PPARGC1A: variants seen among roughly 807,000 people sequenced by gnomAD.
The protein encoded by PPARGC1A is PPARG coactivator 1 alpha, also known as peroxisome proliferator-activated receptor gamma coactivator 1-alpha.
In PPARGC1A, 25 loss-of-function variants were observed where a neutral mutation model predicts 88.7. The observed-to-expected ratio is 0.28, with a 90% CI of 0.21 to 0.39. The LOEUF (loss-of-function observed/expected upper bound fraction) is 0.39, where lower values mean the gene tolerates loss of function less well. Among genes scored for constraint, PPARGC1A ranks in the 10% least tolerant of loss-of-function variants. The pLI, the probability that PPARGC1A is intolerant of heterozygous loss-of-function variation, is 1.00. For synonymous variants in PPARGC1A, 363 were observed against 355.6 expected (o/e 1.02, Z -0.24); for missense variants, 880 against 968.7 (o/e 0.91, Z 1.22).
At chr4:23,968,348 T>C in the PPARGC1A span, among the ~76,000 whole-genome samples, 4 of 152,186 alleles carry the variant, frequency 2.6e-5, no homozygotes, top group Non-Finnish European at 4.4e-5. Context: ...TTCATGCTCA[T>C]GAAACTGGTC....
At chr4:24,339,801 C>T in the PPARGC1A span, among the ~76,000 whole-genome samples, 6 of 152,118 alleles carry the variant, frequency 3.9e-5, no homozygotes, top group African/African-American at 9.7e-5. Context: ...TGCAGTGGTG[C>T]GATCTCGGCT....
the PPARGC1A span, among the ~76,000 whole-genome samples, chr4:24,069,691 A>G: frequency 2.0e-5 from 3 of 152,226 alleles, no homozygotes; most frequent in Non-Finnish European, 4.4e-5. Flanking sequence ...AGTAAATACT[A>G]TAGGAGTCCA....
chr4:24,054,743 T>C, the PPARGC1A span, among the ~76,000 whole-genome samples: 1 of 152,196 alleles, frequency 6.6e-6, no homozygotes, highest in Non-Finnish European at 1.5e-5. Context: ...GAACTTCATG[T>C]CAGTACATAA....
At chr4:23,910,336 A>ATATATTATATATAT in the PPARGC1A span, among the ~76,000 whole-genome samples, 2 of 63,676 alleles carry the variant, frequency 3.1e-5, no homozygotes, top group African/African-American at 1.6e-4. Context: ...TATATATTAT[A>ATATATTATATATAT]TATATTATAT....
chr4:23,794,265 T>G lies in PPARGC1A; in HGVS notation c.*1557A>C, dbSNP rs1240408546. On this transcript the variant is annotated 3_prime_UTR_variant, in exon 13 of 13. Transcript: ENST00000264867. ...TCTTAATGGTTACCCATTGAGAGACTTTACATAAAATCATGATATCTTCTA... is the reference window on the plus strand; with the variant it reads ...TCTTAATGGTTACCCATTGAGAGACGTTACATAAAATCATGATATCTTCTA... The G allele has an allele frequency of 6.6e-6, 1 of 152,602 alleles. No individual in the cohort carries two copies. The highest frequency in any genetic ancestry group is 1.5e-5 in the Non-Finnish European group (1 of 68,026). The allele number at this position is 152,602 out of a possible 1,614,324, so 9.5% of individuals were successfully genotyped here. A position where few individuals can be genotyped will look rare whatever the true frequency, so the allele number is the denominator to read the frequency against.
the PPARGC1A span, among the ~76,000 whole-genome samples, chr4:24,420,274 T>G: frequency 6.6e-6 from 1 of 152,256 alleles, no homozygotes; most frequent in Non-Finnish European, 1.5e-5. Context: ...TGTGCACCGC[T>G]GCTAAGTATT....
chr4:23,996,506 G>T, the PPARGC1A span, among the ~76,000 whole-genome samples: 2 of 152,262 alleles, frequency 1.3e-5, no homozygotes, highest in Middle Eastern at 6.8e-3. Flanking sequence ...AAGCCTAAAA[G>T]ATCATCTCAC....
At chr4:24,457,949 T>C in the PPARGC1A span, among the ~76,000 whole-genome samples, 4 of 152,090 alleles carry the variant, frequency 2.6e-5, no homozygotes, top group Admixed American at 2.6e-4. Flanking sequence ...TCTCTGTAGA[T>C]CTCAACAGAA....
At chr4:24,130,684 C>T in the PPARGC1A span, among the ~76,000 whole-genome samples, 11 of 152,300 alleles carry the variant, frequency 7.2e-5, no homozygotes, top group South Asian at 2.3e-3. Context: ...CATCACTTCA[C>T]ATCTCCAGAC....
the PPARGC1A span, among the ~76,000 whole-genome samples, chr4:24,373,938 A>G: frequency 1.3e-5 from 2 of 152,234 alleles, no homozygotes; most frequent in African/African-American, 4.8e-5. Flanking sequence ...ATTCTCTAGC[A>G]AAAGGACCTA....
At chr4:24,454,571 A>C in the PPARGC1A span, among the ~76,000 whole-genome samples, 1 of 109,084 alleles carries the variant, frequency 9.2e-6, no homozygotes, top group Non-Finnish European at 1.9e-5. Flanking sequence ...CCTTGTTTCT[A>C]CAAAAAAAAT....
the PPARGC1A span, among the ~76,000 whole-genome samples, chr4:24,259,156 A>G: frequency 6.6e-6 from 1 of 152,214 alleles, no homozygotes; most frequent in Admixed American, 6.5e-5. Context: ...TGTATGAGCC[A>G]TACTATTTGG....
chr4:24,305,493 G>A, the PPARGC1A span, among the ~76,000 whole-genome samples: 1 of 152,092 alleles, frequency 6.6e-6, no homozygotes, highest in Admixed American at 6.6e-5. Flanking sequence ...TTACATGACT[G>A]GCATGAGATC....
chr4:24,276,750 T>C, the PPARGC1A span, among the ~76,000 whole-genome samples: 7 of 152,162 alleles, frequency 4.6e-5, no homozygotes, highest in Admixed American at 6.5e-5. Context: ...AGTCCTCTTA[T>C]CAGATGATGT....
At chr4:24,234,682 T>G in the PPARGC1A span, among the ~76,000 whole-genome samples, 5 of 152,318 alleles carry the variant, frequency 3.3e-5, no homozygotes, top group Admixed American at 3.3e-4. Context: ...ACTGTGGTTA[T>G]GTGCTAATTC....
At chr4:24,021,856 G>A in the PPARGC1A span, among the ~76,000 whole-genome samples, 1 of 152,234 alleles carries the variant, frequency 6.6e-6, no homozygotes, top group Non-Finnish European at 1.5e-5. Context: ...CTATAGCTGG[G>A]ATGAGTAGTG....
the PPARGC1A span, among the ~76,000 whole-genome samples, chr4:24,092,952 C>T: frequency 6.6e-6 from 1 of 152,178 alleles, no homozygotes; most frequent in Non-Finnish European, 1.5e-5. Context: ...GCACACACAG[C>T]CAAACAATCA....
the PPARGC1A span, among the ~76,000 whole-genome samples, chr4:24,117,742 A>G: frequency 1.3e-5 from 2 of 152,074 alleles, no homozygotes; most frequent in Non-Finnish European, 2.9e-5. Flanking sequence ...AAAGTCCTTT[A>G]CAGAAAAAAG....
the PPARGC1A span, among the ~76,000 whole-genome samples, chr4:24,394,831 A>G: frequency 1.3e-5 from 2 of 152,224 alleles, no homozygotes; most frequent in African/African-American, 4.8e-5. Context: ...AATTTCAGAG[A>G]TGCTAAAATG....
Sources: gnomAD v4.1 joint callset for allele counts (sites outside exome capture counted in the v4.1 genomes callset) on GRCh38, gnomAD v4.1.1 for gene constraint, MANE v1.5 for transcripts, NCBI Gene and HGNC (gene_info 2026-07-23, HGNC 2026-07-21) for gene names.